The following LRRC74A variants were observed in gnomAD, a reference collection of about 807,000 sequenced individuals.
LRRC74A encodes the protein leucine-rich repeat-containing protein 74A.
In LRRC74A, 44 loss-of-function variants were observed where a neutral mutation model predicts 57.9. The observed-to-expected ratio is 0.76, with a 90% confidence interval of 0.60 to 0.98. The LOEUF (loss-of-function observed/expected upper bound fraction) is 0.98. LRRC74A is among the 50% of genes least tolerant of loss of function. LRRC74A has a pLI of 0.00. For synonymous variants in LRRC74A, 211 were observed against 219.4 expected (o/e 0.96, Z 0.34); for missense variants, 572 against 574.0 (o/e 1.00, Z 0.04).
At chr14:76,859,741 T>G (rs1039019096) in intron 10 of LRRC74A, among the ~76,000 whole-genome samples, 2 of 146,510 alleles carry the variant, frequency 1.4e-5, no homozygotes, top group Non-Finnish European at 3.0e-5. Flanking sequence ...AATGGCATAG[T>G]CTCGGCTCAC....
In LRRC74A at chr14:76,870,181, G is replaced by A. The variant is rs909232; in HGVS notation, c.*32G>A. 10,621 of 1,603,666 alleles carry A rather than the reference G, an allele frequency of 6.6e-3. 603 individuals are homozygous for A. The African/African-American group carries it at 0.12, about 18-fold the overall frequency. Reference sequence around the variant, plus strand: ...GTCTGGTCTAGAAAGAAGTCTCGGCGAGAGGAGTCCTCGCAAGTCGGATGG... The same window carrying A: ...GTCTGGTCTAGAAAGAAGTCTCGGCAAGAGGAGTCCTCGCAAGTCGGATGG... On this transcript the variant is annotated 3_prime_UTR_variant, in exon 14 of 14. Transcript: ENST00000689127.
chr14:76,852,860 A>G (rs542316535), intron 8 of LRRC74A, among the ~76,000 whole-genome samples: 81 of 151,868 alleles, frequency 5.3e-4, no homozygotes, highest in African/African-American at 1.9e-3. Flanking sequence ...CTTGTGATCC[A>G]CCCACCTCAG....
intron 3 of LRRC74A, among the ~76,000 whole-genome samples, chr14:76,835,965 T>C (rs1896300302): frequency 6.6e-6 from 1 of 152,224 alleles, no homozygotes; most frequent in South Asian, 2.1e-4. Context: ...GCCTCCAACT[T>C]GTCAGGGTTT....
At chr14:76,848,619 A>G (rs1897253716) in intron 7 of LRRC74A, among the ~76,000 whole-genome samples, 1 of 152,198 alleles carries the variant, frequency 6.6e-6, no homozygotes, top group Non-Finnish European at 1.5e-5. Context: ...ACTATACGCA[A>G]CCACAGAAGT....
At chr14:76,869,114 C>T (rs1327736644) in intron 13 of LRRC74A, among the ~76,000 whole-genome samples, 2 of 74,172 alleles carry the variant, frequency 2.7e-5, no homozygotes, top group African/African-American at 9.8e-5. Context: ...CCCGTGCCTC[C>T]TCACCTGCCC....
At chr14:76,834,579 AC>A (rs1896187913) in intron 3 of LRRC74A, among the ~76,000 whole-genome samples, 1 of 152,134 alleles carries the variant, frequency 6.6e-6, no homozygotes, top group African/African-American at 2.4e-5. Flanking sequence ...CTAGCACTGT[AC>A]CCTTGCATGT....
In LRRC74A at chr14:76,828,380, C is replaced by A. The variant is rs1251292961; in HGVS notation, c.127C>A (p.Pro43Thr). 8.7e-6 allele frequency: 14 copies of A among 1,613,842 alleles called. No individual in the cohort carries two copies. Among genetic ancestry groups the A allele is most frequent in the African/African-American group, 1.3e-5 (1 of 74,922 alleles). The change falls in exon 2 of 14, where the codon CCA becomes ACA. Residue 43 changes from proline to threonine, a missense_variant. Coordinates refer to ENST00000689127, the MANE Select transcript of LRRC74A (RefSeq NM_001385106.1). The stretch of plus-strand genomic sequence containing the variant: ...CCCGCCGACTGTTGAAAAAGTGAAA[C>A]CAGCCCGGGAGAATTCGGAAACAGA... ...ESPPTVEKVK[P>T]ARENSETDLE...
intron 2 of LRRC74A, 125 bp from the exon 3 acceptor site, chr14:76,831,078 C>A: frequency 1.0e-6 from 1 of 960,872 alleles, no homozygotes; most frequent in Non-Finnish European, 1.6e-6. Context: ...CTTCTTAGCA[C>A]ATACCCACAG....
At chr14:76,861,746 A>G (rs987470353) in intron 11 of LRRC74A, among the ~76,000 whole-genome samples, 3 of 152,192 alleles carry the variant, frequency 2.0e-5, no homozygotes, top group Non-Finnish European at 2.9e-5. Context: ...TGGTGTTTCC[A>G]CAGCGGGCCT....
intron 7 of LRRC74A, among the ~76,000 whole-genome samples, chr14:76,848,046 G>A (rs1001660688): frequency 1.3e-5 from 2 of 151,004 alleles, no homozygotes; most frequent in Admixed American, 6.6e-5. Flanking sequence ...AGTGGTGTGC[G>A]CCCGTAATCC....
chr14:76,848,271 A>G (rs1460173161), intron 7 of LRRC74A, among the ~76,000 whole-genome samples: 2 of 151,468 alleles, frequency 1.3e-5, no homozygotes, highest in African/African-American at 4.9e-5. Context: ...CTAAAACTTA[A>G]AGTATGATAA....
rs1595331577 is a variant in LRRC74A, at chr14:76,826,727, G to T, written c.30G>T (p.Glu10Asp). The T allele has an allele frequency of 6.6e-7, 1 of 1,520,550 alleles. No individual in the cohort carries two copies. The highest frequency in any genetic ancestry group is 8.8e-7 in the Non-Finnish European group (1 of 1,135,362). The allele number at this position is 1,520,550 out of a possible 1,614,324, so 94.2% of individuals were successfully genotyped here. ...ACAATGACAAGCCTCTTCAGCCTGA[G>T]ACAGAAGGTGAAAGGGCATCCCATC... MDNDKPLQP[E>D]TEDEIEIEPV... The change falls in exon 1 of 14, where the codon GAG becomes GAT. Residue 10 changes from glutamate (E) to aspartate (D), a missense_variant. By Grantham distance (45) the Glu-to-Asp change is conservative. Transcript: ENST00000689127.
chr14:76,862,596 G>A (rs1898404202), intron 11 of LRRC74A, among the ~76,000 whole-genome samples: 1 of 152,058 alleles, frequency 6.6e-6, no homozygotes, highest in South Asian at 2.1e-4. Context: ...AGAAAATGTA[G>A]TCAGAATCCA....
chr14:76,860,304 A>T (rs1295070833), intron 10 of LRRC74A, among the ~76,000 whole-genome samples: 2 of 152,136 alleles, frequency 1.3e-5, no homozygotes, highest in Non-Finnish European at 1.5e-5. Context: ...GGAATCAGGG[A>T]TCCTCTTCCA....
intron 7 of LRRC74A, among the ~76,000 whole-genome samples, chr14:76,848,275 A>G (rs1897236991): frequency 6.6e-6 from 1 of 150,962 alleles, no homozygotes; most frequent in Admixed American, 6.7e-5. Context: ...AACTTAAAGT[A>G]TGATAAAAAA....
intron 9 of LRRC74A, among the ~76,000 whole-genome samples, chr14:76,856,700 G>A (rs527408918): frequency 1.3e-5 from 2 of 148,210 alleles, no homozygotes; most frequent in African/African-American, 2.5e-5. Context: ...AGATGGATAA[G>A]TGAGTGGATG....
At chr14:76,850,861 A>AAAAAAAAAAAAAAAAG (rs773711469) in intron 7 of LRRC74A, among the ~76,000 whole-genome samples, 1 of 96,534 alleles carries the variant, frequency 1.0e-5, no homozygotes, top group Non-Finnish European at 2.1e-5. Flanking sequence ...AAAAAAAAAA[A>AAAAAAAAAAAAAAAAG]AAAGAAAGAA....
intron 8 of LRRC74A, 131 bp from the exon 9 acceptor site, chr14:76,853,085 C>G: frequency 1.3e-6 from 1 of 766,196 alleles, no homozygotes. Flanking sequence ...AATGATCTGG[C>G]AGACCCATCA....
intron 5 of LRRC74A, among the ~76,000 whole-genome samples, chr14:76,842,286 A>G (rs1217827749): frequency 6.6e-6 from 1 of 152,206 alleles, no homozygotes; most frequent in Non-Finnish European, 1.5e-5. Flanking sequence ...AGGTGATTAT[A>G]CCTGCAAATA....
Sources: gnomAD v4.1 joint callset for allele counts (sites outside exome capture counted in the v4.1 genomes callset) on GRCh38, gnomAD v4.1.1 for gene constraint, MANE v1.5 for transcripts, NCBI Gene and HGNC (gene_info 2026-07-23, HGNC 2026-07-21) for gene names.